The following FUCA1 variants were observed in gnomAD, a reference collection of about 807,000 sequenced individuals.
FUCA1 encodes the protein alpha-L-fucosidase 1, also known as tissue alpha-L-fucosidase.
In FUCA1, 52 loss-of-function variants were observed where a neutral mutation model predicts 56.8. The ratio of observed to expected loss-of-function variants is 0.92; its 90% CI spans 0.73 to 1.15. The LOEUF (loss-of-function observed/expected upper bound fraction) is 1.15, where lower values mean the gene tolerates loss of function less well. Ranked by LOEUF, FUCA1 falls within the 50% of genes most tolerant of loss-of-function variation. FUCA1 has a pLI of 0.00. For missense variants in FUCA1, 568 were observed against 592.6 expected, an observed-to-expected ratio of 0.96 and a Z score of 0.43; for synonymous variants, 230 against 226.6, an observed-to-expected ratio of 1.02 and a Z score of -0.14.
rs771153989 is a variant in FUCA1, at chr1:23,868,194, G to A, written c.93C>T (p.Ala31=). ...FLGAAESVRR[A]QPPRRYTPDW... The stretch of plus-strand genomic sequence containing the variant: ...CTGGGGTGTAGCGGCGCGGAGGCTG[G>A]GCCCGACGCACCGACTCGGCCGCTC... Residue 31 remains alanine (A), a synonymous_variant, in exon 1 of 8, where the codon GCC becomes GCT. Coordinates refer to ENST00000374479, the MANE Select transcript of FUCA1 (RefSeq NM_000147.5). The A allele has an allele frequency of 2.5e-6, 4 of 1,600,678 alleles. No individual in the cohort carries two copies. In the Admixed American group the frequency reaches 5.2e-5, roughly 21 times the overall value.
intron 4 of FUCA1, 87 bp from the exon 5 acceptor site, chr1:23,854,647 G>A: frequency 8.8e-7 from 1 of 1,138,062 alleles, no homozygotes; most frequent in Non-Finnish European, 1.3e-6. Flanking sequence ...CTATTTGGAA[G>A]CAAGAAACTT....
rs1353778985 is a variant in FUCA1, at chr1:23,868,093, C to T, written c.194G>A (p.Gly65Asp). Residue 65 changes from glycine to aspartate, a missense_variant, in exon 1 of 8, where the codon GGC becomes GAC. By Grantham distance (94) the Gly-to-Asp change is moderately conservative. Transcript: ENST00000374479. ...EAKFGVFIHW[G>D]VFSVPAWGSE... ...GCCCCAGGCGGGCACCGAGAACACG[C>T]CCCAGTGGATGAACACCCCGAACTT... 1.2e-6 allele frequency: 2 copies of T among 1,611,948 alleles called. No individual in the cohort carries two copies. The highest frequency in any genetic ancestry group is 1.7e-6 in the Non-Finnish European group (2 of 1,179,624).
At position 23,863,125 on chromosome 1, in the gene FUCA1, G is replaced by A. The variant is rs1009553855; in HGVS notation, c.662+9C>T. 7 of 1,613,588 alleles carry A rather than the reference G, an allele frequency of 4.3e-6. No individual in the cohort carries two copies. Among genetic ancestry groups the A allele is most frequent in the African/African-American group, 1.3e-5 (1 of 74,992 alleles). On this transcript the variant is annotated intron_variant, in intron 3 of 7. Coordinates refer to ENST00000374479, the MANE Select transcript of FUCA1 (RefSeq NM_000147.5). ...AAAGTCATAGGGCCAAAATATTTCA[G>A]TGTCTTACCTGTTAACAAGGTCGTA...
chr1:23,861,436 T>TA (rs545344896), intron 3 of FUCA1, among the ~76,000 whole-genome samples: 4,498 of 126,974 alleles, frequency 0.035, 220 homozygotes, highest in African/African-American at 0.12. Flanking sequence ...TAAAGTATAA[T>TA]AAAAAAAAAA....
chr1:23,845,605 C>T lies in FUCA1; in HGVS notation c.*110G>A. ...TTTAATTAAAATGTGTTGGAAAAGCCATCTCTGGGTGGAGAAGAGAAGTTC... is the reference window on the plus strand; with the variant it reads ...TTTAATTAAAATGTGTTGGAAAAGCTATCTCTGGGTGGAGAAGAGAAGTTC... On this transcript the variant is annotated 3_prime_UTR_variant, in exon 8 of 8. Coordinates refer to ENST00000374479, the MANE Select transcript of FUCA1 (RefSeq NM_000147.5). The T allele has an allele frequency of 7.6e-7, 1 of 1,316,744 alleles. No homozygotes were observed. The highest frequency in any genetic ancestry group is 1.1e-6 in the Non-Finnish European group (1 of 912,078). 81.6% of individuals were successfully genotyped at this position (1,316,744 alleles called of 1,614,324 possible).
rs1639640470 is a variant in FUCA1 at position 23,867,103 on chromosome 1, C to T, written c.389+795G>A. Among the ~76,000 whole-genome samples the T allele has an allele frequency of 6.6e-6, 1 of 152,168 alleles. No homozygotes were observed. Among genetic ancestry groups the T allele is most frequent in the African/African-American group, 2.4e-5 (1 of 41,442 alleles). On this transcript the variant is annotated intron_variant, in intron 1 of 7. Transcript: ENST00000374479. The surrounding 1 kb of genome is among the most constrained non-coding windows in gnomAD (Gnocchi z 4.9). The stretch of plus-strand genomic sequence containing the variant: ...GCCTCCATTTTTACTCTTCTCCAAC[C>T]CACTTCTCTCCCAGCAGCCGAATGA...
At chr1:23,866,702 G>A (rs1639630881) in intron 1 of FUCA1, among the ~76,000 whole-genome samples, 1 of 152,170 alleles carries the variant, frequency 6.6e-6, no homozygotes, top group Admixed American at 6.5e-5. Context: ...CCTCTGGCCA[G>A]TTTGCAGACC....
intron 4 of FUCA1, among the ~76,000 whole-genome samples, chr1:23,856,061 G>C (rs940991893): frequency 3.3e-5 from 5 of 152,154 alleles, no homozygotes; most frequent in Non-Finnish European, 1.5e-5. Flanking sequence ...TTCATAGCTG[G>C]CTCCACCACC....
At chr1:23,852,891 C>G (rs1639295596) in intron 5 of FUCA1, among the ~76,000 whole-genome samples, 1 of 151,890 alleles carries the variant, frequency 6.6e-6, no homozygotes, top group Non-Finnish European at 1.5e-5. Context: ...CTCTGCCCGG[C>G]CGCCACCCCG....
chr1:23,850,002 T>A (rs1639224297), intron 5 of FUCA1, among the ~76,000 whole-genome samples: 1 of 152,030 alleles, frequency 6.6e-6, no homozygotes, highest in East Asian at 1.9e-4. Flanking sequence ...ATAGAGAAAA[T>A]TTTAAATTCA....
rs571675303 is a variant in FUCA1 at position 23,861,090 on chromosome 1, G to A, written c.663-1187C>T. 7.5e-4 allele frequency among the ~76,000 whole-genome samples: 113 copies of A among 151,352 alleles called. No homozygotes were observed. In the Middle Eastern group the frequency reaches 0.011, roughly 14 times the overall value. ...TGTAATCCCAGCACTTTGGGAGGCC[G>A]AGGCGGGCGGATCACGAGGTCGGGA... is the stretch of plus-strand genomic sequence containing the variant. On this transcript the variant is annotated intron_variant, in intron 3 of 7. Coordinates refer to ENST00000374479, the MANE Select transcript of FUCA1 (RefSeq NM_000147.5).
intron 5 of FUCA1, among the ~76,000 whole-genome samples, chr1:23,850,224 G>A (rs1382125857): frequency 6.7e-6 from 1 of 149,082 alleles, no homozygotes; most frequent in Non-Finnish European, 1.5e-5. Context: ...GCTGAGGCAA[G>A]AGAATCACTT....
At chr1:23,850,775 C>T (rs1401150305) in intron 5 of FUCA1, among the ~76,000 whole-genome samples, 1 of 151,960 alleles carries the variant, frequency 6.6e-6, no homozygotes, top group East Asian at 1.9e-4. Context: ...TGTCAGCCAC[C>T]GTGCCTGGCC....
intron 3 of FUCA1, among the ~76,000 whole-genome samples, chr1:23,861,336 A>AG (rs992951050): frequency 2.0e-5 from 3 of 151,422 alleles, no homozygotes; most frequent in African/African-American, 7.3e-5. Context: ...AAAAAAAAAA[A>AG]AAAAAAAAAA....
chr1:23,846,274 T>TC, intron 6 of FUCA1, 101 bp from the exon 7 acceptor site: 1 of 801,886 alleles, frequency 1.2e-6, no homozygotes, highest in East Asian at 2.8e-5. Flanking sequence ...TCTTTTCTTT[T>TC]CTTTTTTTTT....
rs1046951693 is a variant in FUCA1, at chr1:23,867,714, T to C, written c.389+184A>G. Reference sequence around the variant, plus strand: ...TGAACCTTCATTTATCAGTCCCCAGTCAAACGCACCTCCTCCTCCTCATCA... The same window carrying C: ...TGAACCTTCATTTATCAGTCCCCAGCCAAACGCACCTCCTCCTCCTCATCA... On this transcript the variant is annotated intron_variant, in intron 1 of 7. Transcript: ENST00000374479. This position sits in a 1 kb window ranked among gnomAD's most constrained non-coding sequence, Gnocchi z 4.9. 1.1e-5 allele frequency: 11 copies of C among 984,924 alleles called. No homozygotes were observed. The highest frequency in any genetic ancestry group is 5.2e-5 in the African/African-American group (3 of 57,176). The allele number at this position is 984,924 out of a possible 1,614,324, so 61.0% of individuals were successfully genotyped here.
chr1:23,864,406 G>A (rs1444101833), intron 2 of FUCA1, among the ~76,000 whole-genome samples: 1 of 151,982 alleles, frequency 6.6e-6, no homozygotes, highest in Non-Finnish European at 1.5e-5. Flanking sequence ...AGTTCTTAAC[G>A]TACACAAAAT....
intron 1 of FUCA1, among the ~76,000 whole-genome samples, chr1:23,866,317 CAAT>C (rs1444441012): frequency 6.6e-6 from 1 of 152,154 alleles, no homozygotes; most frequent in Non-Finnish European, 1.5e-5. Context: ...TTCAAAACAA[CAAT>C]AACAACAAAA....
At chr1:23,861,322 C>CAAAA (rs34240712) in intron 3 of FUCA1, among the ~76,000 whole-genome samples, 242 of 60,016 alleles carry the variant, frequency 4.0e-3, no homozygotes, top group Non-Finnish European at 5.2e-3. Flanking sequence ...GACTCCGTCT[C>CAAAA]AAAAAAAAAA....
Sources: gnomAD v4.1 joint callset for allele counts (sites outside exome capture counted in the v4.1 genomes callset) on GRCh38, gnomAD v4.1.1 for gene constraint, Gnocchi (gnomAD v3.1) non-coding constraint, MANE v1.5 for transcripts, NCBI Gene and HGNC (gene_info 2026-07-23, HGNC 2026-07-21) for gene names.